Variants in VPS54 observed in about 807,000 individuals in gnomAD.
The protein encoded by VPS54 is vacuolar protein sorting-associated protein 54.
A neutral mutation model predicts 121.5 loss-of-function variants in VPS54; 45 were observed. That is an observed-to-expected ratio of 0.37 (90% CI 0.29 to 0.47). The LOEUF (loss-of-function observed/expected upper bound fraction) is 0.47, where lower values mean the gene tolerates loss of function less well. Ranked by LOEUF, VPS54 falls within the 20% of genes least tolerant of loss-of-function variation. The pLI, the probability that VPS54 is intolerant of heterozygous loss-of-function variation, is 0.99. For synonymous variants in VPS54, 371 were observed against 385.8 expected (o/e 0.96, Z 0.45); for missense variants, 1,090 against 1,131.4 (o/e 0.96, Z 0.52).
chr2:64,013,451 G>A (rs1322443877), intron 1 of VPS54, among the ~76,000 whole-genome samples: 3 of 151,724 alleles, frequency 2.0e-5, no homozygotes, highest in African/African-American at 7.3e-5. Flanking sequence ...AATGAATCCT[G>A]CATTTGAGGG....
chr2:64,018,711 A>G (rs1298758740), intron 1 of VPS54, among the ~76,000 whole-genome samples: 1 of 150,256 alleles, frequency 6.7e-6, no homozygotes, highest in Non-Finnish European at 1.5e-5. Flanking sequence ...CAGGGAACAC[A>G]GCTGCCAGCC....
chr2:63,900,176 C>T (rs747693919), intron 20 of VPS54, among the ~76,000 whole-genome samples: 1 of 137,292 alleles, frequency 7.3e-6, no homozygotes, highest in African/African-American at 2.9e-5. Context: ...GCCAAGATCG[C>T]ACCACTGCAC....
chr2:63,929,291 A>G (rs1674070140), intron 12 of VPS54, among the ~76,000 whole-genome samples: 1 of 152,204 alleles, frequency 6.6e-6, no homozygotes, highest in African/African-American at 2.4e-5. Context: ...CAAATGTAAA[A>G]GAACAGAAAT....
intron 22 of VPS54, among the ~76,000 whole-genome samples, chr2:63,896,439 CATT>C (rs1672448262): frequency 6.6e-6 from 1 of 152,080 alleles, no homozygotes; most frequent in Non-Finnish European, 1.5e-5. Flanking sequence ...ATTCAGTGTT[CATT>C]ATTGTCCTTT....
chr2:63,909,160 A>G (rs995650851), intron 20 of VPS54, among the ~76,000 whole-genome samples: 2 of 152,140 alleles, frequency 1.3e-5, no homozygotes, highest in African/African-American at 4.8e-5. Context: ...TATTTGTAAC[A>G]CTTTACATAT....
At chr2:63,975,223 T>C (rs1676468922) in intron 3 of VPS54, 1 of 494,278 alleles carries the variant, frequency 2.0e-6, no homozygotes, top group African/African-American at 1.9e-5. Context: ...GAAAGAGATC[T>C]GACCTAACCA....
At chr2:64,007,129 T>C (rs1230008183) in intron 1 of VPS54, among the ~76,000 whole-genome samples, 1 of 152,160 alleles carries the variant, frequency 6.6e-6, no homozygotes. Context: ...TGGGCAGACA[T>C]AACTTACTTT....
intron 7 of VPS54, among the ~76,000 whole-genome samples, chr2:63,956,296 C>A (rs530308323): frequency 6.6e-6 from 1 of 152,046 alleles, no homozygotes; most frequent in African/African-American, 2.4e-5. Context: ...AATAAAGATC[C>A]CTTAAATGGA....
intron 1 of VPS54, among the ~76,000 whole-genome samples, chr2:63,992,367 C>T (rs922957063): frequency 6.6e-6 from 1 of 152,240 alleles, no homozygotes; most frequent in African/African-American, 2.4e-5. Flanking sequence ...TACTCCCAGT[C>T]AGCATATGAT....
intron 11 of VPS54, among the ~76,000 whole-genome samples, chr2:63,934,977 G>T (rs1383821140): frequency 6.6e-6 from 1 of 151,992 alleles, no homozygotes; most frequent in South Asian, 2.1e-4. Flanking sequence ...AGTTTTTTTG[G>T]AATCTACATG....
intron 1 of VPS54, among the ~76,000 whole-genome samples, chr2:64,010,837 T>C (rs1447029808): frequency 6.6e-6 from 1 of 152,224 alleles, no homozygotes; most frequent in East Asian, 1.9e-4. Context: ...AAATAAGTAC[T>C]TCTATAGTCC....
At chr2:63,896,618 ACTT>A (rs1012913277) in intron 22 of VPS54, among the ~76,000 whole-genome samples, 37 of 152,318 alleles carry the variant, frequency 2.4e-4, no homozygotes, top group Admixed American at 1.9e-3. Flanking sequence ...GATTCACTGT[ACTT>A]CTTCTTAAAT....
chr2:63,912,091 C>G (rs1175037914), intron 20 of VPS54, among the ~76,000 whole-genome samples: 1 of 152,110 alleles, frequency 6.6e-6, no homozygotes, highest in Non-Finnish European at 1.5e-5. Context: ...TTTTGGAAAT[C>G]CGAAAATTTT....
Position 63,902,008 on chromosome 2 carries a change from T to C in VPS54, c.2626-2427A>G, listed in dbSNP as rs916245222. ...CCAGCCTGGGAGACAAGAGCAAAAC[T>C]CCGTCTCAAAATAAAACAAAATGAA... On this transcript the variant is annotated intron_variant, in intron 20 of 22. Coordinates refer to ENST00000272322, the MANE Select transcript of VPS54 (RefSeq NM_016516.3). 7.2e-5 allele frequency among the ~76,000 whole-genome samples: 11 copies of C among 152,064 alleles called. 1 individual carries two copies. Among genetic ancestry groups the C allele is most frequent in the South Asian group, 6.2e-4 (3 of 4,814 alleles).
At chr2:63,986,559 G>C (rs1002449403) in intron 1 of VPS54, among the ~76,000 whole-genome samples, 2 of 152,188 alleles carry the variant, frequency 1.3e-5, no homozygotes, top group African/African-American at 4.8e-5. Context: ...GAATACTGCT[G>C]CAATAAATAT....
At chr2:63,953,043 G>A (rs1048034598) in intron 7 of VPS54, among the ~76,000 whole-genome samples, 17 of 149,054 alleles carry the variant, frequency 1.1e-4, no homozygotes, top group Non-Finnish European at 2.1e-4. Context: ...TATACATACA[G>A]CTATAGAGCA....
At chr2:63,919,482 A>G (rs1012564477) in intron 15 of VPS54, among the ~76,000 whole-genome samples, 3 of 152,126 alleles carry the variant, frequency 2.0e-5, no homozygotes, top group Admixed American at 2.0e-4. Context: ...TGTAAACAAT[A>G]CGGTATAGTA....
chr2:63,926,844 TG>T, intron 12 of VPS54, among the ~76,000 whole-genome samples: 2 of 152,146 alleles, frequency 1.3e-5, no homozygotes, highest in Non-Finnish European at 2.9e-5. Context: ...CTCCCGTGCC[TG>T]GCTCGGTGGG....
chr2:63,916,941 A>T lies in VPS54; in HGVS notation c.2187T>A (p.Ala729=). 1.9e-6 allele frequency: 3 copies of T among 1,613,668 alleles called. No homozygotes were observed. Among genetic ancestry groups the T allele is most frequent in the Non-Finnish European group, 2.5e-6 (3 of 1,179,670 alleles). Residue 729 remains alanine, a synonymous_variant, in exon 16 of 23, where the codon GCT becomes GCA. Transcript: ENST00000272322. ...KSGATEERKP[A]EVLIVEGQQY... ...GTTGTCCCTCGACAATAAGAACTTC[A>T]GCTGGTTTCCTTTCTTCTGTGGCTA...
Sources: allele counts gnomAD v4.1 joint callset (sites outside exome capture counted in the v4.1 genomes callset), GRCh38; gene constraint gnomAD v4.1.1; transcripts MANE v1.5; gene names NCBI Gene and HGNC (gene_info 2026-07-23, HGNC 2026-07-21).